Variants in CTNNA3 observed in about 807,000 individuals in gnomAD.
The protein encoded by CTNNA3 is catenin alpha-3.
In CTNNA3, 76 loss-of-function variants were observed where a neutral mutation model predicts 95.7. That is an observed-to-expected ratio of 0.79 (90% confidence interval 0.66 to 0.96). The LOEUF (loss-of-function observed/expected upper bound fraction) is 0.96. Among genes scored for constraint, CTNNA3 ranks in the 40% least tolerant of loss-of-function variants. The pLI, the probability that CTNNA3 is intolerant of heterozygous loss-of-function variation, is 0.00. For synonymous variants in CTNNA3, 431 were observed against 374.4 expected, an observed-to-expected ratio of 1.15 and a Z score of -1.74; for missense variants, 1,191 against 1,089.8, an observed-to-expected ratio of 1.09 and a Z score of -1.31.
intron 5 of CTNNA3, among the ~76,000 whole-genome samples, chr10:67,399,832 G>T (rs939953084): frequency 7.9e-5 from 12 of 152,112 alleles, no homozygotes; most frequent in Non-Finnish European, 1.5e-4. Context: ...AAATACTTCA[G>T]TACCATAGAT....
At chr10:66,100,330 T>C (rs1220103223) in intron 14 of CTNNA3, among the ~76,000 whole-genome samples, 1 of 152,174 alleles carries the variant, frequency 6.6e-6, no homozygotes, top group Non-Finnish European at 1.5e-5. Context: ...ATATGTATTA[T>C]CATGACTGAG....
chr10:66,965,566 T>G (rs1372467019), intron 7 of CTNNA3, among the ~76,000 whole-genome samples: 3 of 1,908 alleles, frequency 1.6e-3, no homozygotes, highest in African/African-American at 1.7e-3. Context: ...AAAAAAGCTG[T>G]TTTTTTTTTT....
chr10:66,669,538 G>T (rs928359795), intron 9 of CTNNA3, among the ~76,000 whole-genome samples: 1 of 150,510 alleles, frequency 6.6e-6, no homozygotes, highest in African/African-American at 2.4e-5. Flanking sequence ...CGAGACTTTT[G>T]TCAAAAAAAA....
intron 6 of CTNNA3, among the ~76,000 whole-genome samples, chr10:67,207,816 T>C (rs189522189): frequency 6.6e-5 from 10 of 152,232 alleles, no homozygotes; most frequent in Non-Finnish European, 1.2e-4. Context: ...TTTGGAACAT[T>C]TAGTGTGCTT....
intron 17 of CTNNA3, among the ~76,000 whole-genome samples, chr10:65,964,492 G>T (rs551213402): frequency 6.6e-6 from 1 of 152,140 alleles, no homozygotes; most frequent in East Asian, 1.9e-4. Context: ...TATATGTAAA[G>T]TTCATGAATT....
chr10:67,295,568 C>A (rs1027016741), intron 5 of CTNNA3, among the ~76,000 whole-genome samples: 1 of 152,140 alleles, frequency 6.6e-6, no homozygotes, highest in Non-Finnish European at 1.5e-5. Flanking sequence ...GGCCATAATG[C>A]AGCTATTTAA....
chr10:66,922,496 T>G (rs1846844238), intron 7 of CTNNA3, among the ~76,000 whole-genome samples: 1 of 152,196 alleles, frequency 6.6e-6, no homozygotes, highest in Non-Finnish European at 1.5e-5. Context: ...CACATTATTT[T>G]GTTTTGGATT....
At chr10:67,169,196 A>T (rs999569752) in intron 7 of CTNNA3, among the ~76,000 whole-genome samples, 2 of 152,240 alleles carry the variant, frequency 1.3e-5, no homozygotes, top group Non-Finnish European at 2.9e-5. Context: ...CAGTATCATT[A>T]AAATGGCCAT....
intron 16 of CTNNA3, among the ~76,000 whole-genome samples, chr10:65,975,219 T>C (rs1433086284): frequency 1.3e-5 from 2 of 152,122 alleles, no homozygotes; most frequent in South Asian, 2.1e-4. Context: ...TATGCATGAA[T>C]AGATACAGGA....
At chr10:66,083,089 G>T (rs2080829290) in intron 14 of CTNNA3, among the ~76,000 whole-genome samples, 1 of 151,894 alleles carries the variant, frequency 6.6e-6, no homozygotes, top group African/African-American at 2.4e-5. Context: ...AGAAGTGAGG[G>T]CTTAAGTAAA....
intron 5 of CTNNA3, among the ~76,000 whole-genome samples, chr10:67,345,916 C>G (rs1564583218): frequency 1.3e-5 from 2 of 152,010 alleles, no homozygotes; most frequent in South Asian, 4.1e-4. Context: ...TCTTTCTTCC[C>G]TTCATGTCTC....
intron 5 of CTNNA3, among the ~76,000 whole-genome samples, chr10:67,403,973 C>T (rs1751559038): frequency 6.6e-6 from 1 of 152,150 alleles, no homozygotes; most frequent in South Asian, 2.1e-4. Flanking sequence ...AGCAGCCCTA[C>T]AGAAAAGTGG....
At chr10:66,567,345 C>A (rs987262412) in intron 10 of CTNNA3, among the ~76,000 whole-genome samples, 2 of 151,972 alleles carry the variant, frequency 1.3e-5, no homozygotes, top group African/African-American at 2.4e-5. Flanking sequence ...CCTGGCCTGG[C>A]GAGGTGGATC....
intron 13 of CTNNA3, among the ~76,000 whole-genome samples, chr10:66,107,295 G>A (rs1413099411): frequency 6.6e-6 from 1 of 152,018 alleles, no homozygotes; most frequent in Non-Finnish European, 1.5e-5. Context: ...TCTTCCTTAG[G>A]CAGCCCAAAA....
At position 67,142,405 on chromosome 10, in the gene CTNNA3, G is replaced by A. The variant is rs140751049; in HGVS notation, c.1047+37912C>T. ...TACATGTGTGTATATATCAACTTTT[G>A]TTTTTTCCTATTACAATGAGTGAAC... On this transcript the variant is annotated intron_variant, in intron 7 of 17. Coordinates refer to ENST00000433211, the MANE Select transcript of CTNNA3 (RefSeq NM_013266.4). Among the ~76,000 whole-genome samples the A allele has an allele frequency of 7.8e-3, 1,183 of 152,066 alleles. 5 individuals are homozygous for A. The highest frequency in any genetic ancestry group is 0.011 in the Non-Finnish European group (729 of 67,968).
chr10:67,385,379 A>G (rs369764027), intron 5 of CTNNA3, among the ~76,000 whole-genome samples: 5 of 152,220 alleles, frequency 3.3e-5, no homozygotes, highest in African/African-American at 1.2e-4. Context: ...TTCAGAAACT[A>G]GAAAAAGCAT....
intron 11 of CTNNA3, among the ~76,000 whole-genome samples, chr10:66,449,926 A>G (rs1008141051): frequency 6.6e-6 from 1 of 152,090 alleles, no homozygotes; most frequent in Non-Finnish European, 1.5e-5. Context: ...AGAACATAAT[A>G]TTGGCTTTGA....
At position 66,065,230 on chromosome 10, in the gene CTNNA3, GT is replaced by G. The variant is rs66776665; in HGVS notation, c.2159+4077del. On this transcript the variant is annotated intron_variant, in intron 15 of 17. Transcript: ENST00000433211. ...ATGTAAACTTATGTTGGTTTAAATG[GT>G]TTTTTTTTGTTTTGTTTTGTTTTGT... Among the ~76,000 whole-genome samples, 30 of 102,900 alleles carry G rather than the reference GT, an allele frequency of 2.9e-4. No homozygotes were observed. The South Asian group carries it at 3.1e-3, about 11-fold the overall frequency. The allele number at this position is 102,900 out of a possible 152,430, so 67.5% of individuals were successfully genotyped here. A position where few individuals can be genotyped will look rare whatever the true frequency, so the allele number is the denominator to read the frequency against.
chr10:67,411,155 G>A (rs1845352865), intron 5 of CTNNA3, among the ~76,000 whole-genome samples: 1 of 151,978 alleles, frequency 6.6e-6, no homozygotes, highest in African/African-American at 2.4e-5. Context: ...ACAGTTAATG[G>A]CAATGAGTTG....
Sources: allele counts gnomAD v4.1 joint callset (sites outside exome capture counted in the v4.1 genomes callset), GRCh38; gene constraint gnomAD v4.1.1; transcripts MANE v1.5; gene names NCBI Gene and HGNC (gene_info 2026-07-23, HGNC 2026-07-21).